Variants in XRCC4 observed in about 807,000 individuals in gnomAD.
XRCC4 encodes the protein X-ray repair cross complementing 4.
In XRCC4, 28 loss-of-function variants were observed where a neutral mutation model predicts 39.1. The ratio of observed to expected loss-of-function variants is 0.72; its 90% CI spans 0.53 to 0.98. The LOEUF (loss-of-function observed/expected upper bound fraction) is 0.98, where lower values mean the gene tolerates loss of function less well. XRCC4 is among the 50% of genes least tolerant of loss of function. The pLI, the probability that XRCC4 is intolerant of heterozygous loss-of-function variation, is 0.00. For missense variants in XRCC4, 350 were observed against 376.4 expected (o/e 0.93, Z 0.58); for synonymous variants, 123 against 126.4 (o/e 0.97, Z 0.18).
At chr5:83,178,021 G>A (rs1750037421) in intron 3 of XRCC4, among the ~76,000 whole-genome samples, 1 of 152,026 alleles carries the variant, frequency 6.6e-6, no homozygotes, top group Admixed American at 6.6e-5. Context: ...GAGATAAGGG[G>A]GACAGAGTGG....
chr5:83,254,410 T>C (rs979053564), intron 6 of XRCC4, among the ~76,000 whole-genome samples: 3 of 152,144 alleles, frequency 2.0e-5, no homozygotes, highest in African/African-American at 7.2e-5. Context: ...CCTTTGAACA[T>C]TTGCCATTTT....
intron 3 of XRCC4, among the ~76,000 whole-genome samples, chr5:83,183,345 T>C (rs910493734): frequency 4.6e-5 from 7 of 152,050 alleles, no homozygotes; most frequent in Non-Finnish European, 8.8e-5. Flanking sequence ...CCTCTAACTC[T>C]ACGGTGTCAA....
intron 1 of XRCC4, among the ~76,000 whole-genome samples, chr5:83,091,675 T>G (rs1745436447): frequency 6.6e-6 from 1 of 152,248 alleles, no homozygotes; most frequent in Non-Finnish European, 1.5e-5. Context: ...CCGTCTGTGA[T>G]GTCACAAATT....
At chr5:83,215,991 A>G (rs923937564) in intron 6 of XRCC4, among the ~76,000 whole-genome samples, 2 of 152,222 alleles carry the variant, frequency 1.3e-5, no homozygotes, top group African/African-American at 4.8e-5. Flanking sequence ...AAAATTCTGC[A>G]CTTCAAAAAG....
At chr5:83,268,086 CAGTGAAGAT>C (rs1754018836) in intron 7 of XRCC4, among the ~76,000 whole-genome samples, 2 of 152,026 alleles carry the variant, frequency 1.3e-5, no homozygotes, top group Non-Finnish European at 2.9e-5. Flanking sequence ...TACGGGTTGG[CAGTGAAGAT>C]AGGAAGATAC....
chr5:83,249,449 T>C (rs1753230224), intron 6 of XRCC4, among the ~76,000 whole-genome samples: 1 of 152,148 alleles, frequency 6.6e-6, no homozygotes, highest in Non-Finnish European at 1.5e-5. Flanking sequence ...TCTAGTTTCC[T>C]TTTCATAGAA....
intron 7 of XRCC4, chr5:83,280,406 T>C (rs1754495511): frequency 8.0e-6 from 5 of 623,594 alleles, no homozygotes; most frequent in Non-Finnish European, 1.5e-5. Context: ...GAATATTCTT[T>C]CCTTTTGTTT....
At chr5:83,346,613 A>G (rs1756924257) in intron 7 of XRCC4, among the ~76,000 whole-genome samples, 1 of 152,336 alleles carries the variant, frequency 6.6e-6, no homozygotes, top group East Asian at 1.9e-4. Flanking sequence ...GCTTTCTGAG[A>G]GCAGGAGTAA....
At chr5:83,306,821 A>G (rs1293325579) in intron 7 of XRCC4, among the ~76,000 whole-genome samples, 1 of 152,178 alleles carries the variant, frequency 6.6e-6, no homozygotes, top group Non-Finnish European at 1.5e-5. Context: ...ACTCTGACTC[A>G]TGTTTTTGTG....
chr5:83,112,272 T>C (rs1338267962), intron 3 of XRCC4, among the ~76,000 whole-genome samples: 1 of 152,218 alleles, frequency 6.6e-6, no homozygotes, highest in Non-Finnish European at 1.5e-5. Flanking sequence ...TTATTGTAAG[T>C]GTTCTTTCCT....
chr5:83,123,548 CA>C (rs1747113426), intron 3 of XRCC4, among the ~76,000 whole-genome samples: 2 of 111,506 alleles, frequency 1.8e-5, no homozygotes, highest in South Asian at 6.0e-4. Flanking sequence ...TTGACAATTA[CA>C]TAAAAAAATG....
At chr5:83,199,906 A>G (rs367703489) in intron 4 of XRCC4, among the ~76,000 whole-genome samples, 1 of 151,966 alleles carries the variant, frequency 6.6e-6, no homozygotes, top group South Asian at 2.1e-4. Flanking sequence ...GTTTGATGTT[A>G]TTTGTGATTT....
chr5:83,326,530 T>C (rs1375432426), intron 7 of XRCC4, among the ~76,000 whole-genome samples: 1 of 152,082 alleles, frequency 6.6e-6, no homozygotes, highest in Non-Finnish European at 1.5e-5. Context: ...CATATAGCAT[T>C]TAATATTCTT....
chr5:83,302,341 A>G (rs895953689), intron 7 of XRCC4, among the ~76,000 whole-genome samples: 3 of 151,804 alleles, frequency 2.0e-5, no homozygotes, highest in Admixed American at 1.3e-4. Context: ...TGGTGTAGGC[A>G]CCCGAGGGAA....
At chr5:83,202,049 A>G (rs1025666259) in intron 4 of XRCC4, 1 of 151,626 alleles carries the variant, frequency 6.6e-6, no homozygotes, top group Non-Finnish European at 1.5e-5. Flanking sequence ...TCTCAAAAAA[A>G]AAAAAAACAA....
intron 7 of XRCC4, among the ~76,000 whole-genome samples, chr5:83,333,834 A>G (rs1293511079): frequency 6.6e-6 from 1 of 151,686 alleles, no homozygotes; most frequent in Admixed American, 6.6e-5. Flanking sequence ...CAGTGGCACA[A>G]TCTCAGCTCA....
intron 7 of XRCC4, among the ~76,000 whole-genome samples, chr5:83,295,327 C>G (rs1188038176): frequency 6.6e-6 from 1 of 152,038 alleles, no homozygotes; most frequent in Non-Finnish European, 1.5e-5. Flanking sequence ...ATAGAATAAT[C>G]TACCTTACAT....
intron 3 of XRCC4, among the ~76,000 whole-genome samples, chr5:83,156,561 T>C (rs1264168164): frequency 6.6e-6 from 1 of 152,134 alleles, no homozygotes; most frequent in East Asian, 1.9e-4. Flanking sequence ...GTCTCAAATT[T>C]TTTTTCACTG....
intron 4 of XRCC4, among the ~76,000 whole-genome samples, chr5:83,199,327 G>GT (rs1751081550): frequency 6.6e-6 from 1 of 152,002 alleles, no homozygotes; most frequent in Non-Finnish European, 1.5e-5. Context: ...ATTTCCTCTT[G>GT]TTCTCTTGTC....
Sources: gnomAD v4.1 joint callset for allele counts (sites outside exome capture counted in the v4.1 genomes callset) on GRCh38, gnomAD v4.1.1 for gene constraint, MANE v1.5 for transcripts, NCBI Gene and HGNC (gene_info 2026-07-23, HGNC 2026-07-21) for gene names.